The following TNKS variants were observed in gnomAD, a reference collection of about 807,000 sequenced individuals.
TNKS encodes tankyrase.
TNKS carries 72 observed loss-of-function variants against 135.8 expected under a neutral mutation model. The ratio of observed to expected loss-of-function variants is 0.53; its 90% confidence interval spans 0.44 to 0.64. The LOEUF (loss-of-function observed/expected upper bound fraction) is 0.64. TNKS is among the 30% of genes least tolerant of loss of function. The probability of loss-of-function intolerance (pLI) is 0.00; values close to 1 mark genes in which losing one functional copy is unlikely to be tolerated. For missense variants in TNKS, 1,769 were observed against 1,674.0 expected (o/e 1.06, Z -0.99); for synonymous variants, 849 against 649.3 (o/e 1.31, Z -4.68).
chr8:9,735,536 C>T (rs961362822), intron 17 of TNKS, 50 bp downstream of exon 17: 4 of 1,454,852 alleles, frequency 2.7e-6, no homozygotes, highest in Non-Finnish European at 3.9e-6. Flanking sequence ...CGCGGTGGCT[C>T]ACGCCTGTAA....
At chr8:9,687,781 A>C (rs1803076665) in intron 5 of TNKS, among the ~76,000 whole-genome samples, 1 of 152,218 alleles carries the variant, frequency 6.6e-6, no homozygotes, top group Non-Finnish European at 1.5e-5. Context: ...AAGGGACCGG[A>C]AGGGAGTTGG....
intron 5 of TNKS, 59 bp from the exon 6 acceptor site, chr8:9,704,604 G>A: frequency 7.1e-7 from 1 of 1,416,032 alleles, no homozygotes; most frequent in Non-Finnish European, 9.9e-7. Flanking sequence ...AAATGGCAAA[G>A]CAAGGATTTT....
chr8:9,562,279 C>T (rs186706413), intron 1 of TNKS, among the ~76,000 whole-genome samples: 13 of 152,082 alleles, frequency 8.5e-5, no homozygotes, highest in Admixed American at 3.3e-4. Flanking sequence ...TTCTCCCAGG[C>T]TATGAATTAC....
chr8:9,557,857 T>G (rs1373228427), intron 1 of TNKS: 1 of 152,166 alleles, frequency 6.6e-6, no homozygotes, highest in African/African-American at 2.4e-5. Flanking sequence ...CTTAAATAAG[T>G]CCAAATTCAG....
chr8:9,580,446 A>G lies in TNKS; in HGVS notation c.898+63A>G, dbSNP rs769983128. 6 of 1,448,952 alleles carry G rather than the reference A, an allele frequency of 4.1e-6. No individual in the cohort carries two copies. In the African/African-American group the frequency reaches 4.2e-5, roughly 10 times the overall value. The allele number at this position is 1,448,952 out of a possible 1,614,324, so 89.8% of individuals were successfully genotyped here. A position where few individuals can be genotyped will look rare whatever the true frequency, so the allele number is the denominator to read the frequency against. On this transcript the variant is annotated intron_variant, in intron 2 of 26. Coordinates refer to ENST00000310430, the MANE Select transcript of TNKS (RefSeq NM_003747.3). ...GGTTTATTCTTACTTTTTTTGTGGTACAAATAGTGTTTCCTGAGAATAGGT... is the reference window on the plus strand; with the variant it reads ...GGTTTATTCTTACTTTTTTTGTGGTGCAAATAGTGTTTCCTGAGAATAGGT...
In TNKS at chr8:9,726,663, T is replaced by C. The variant is rs138926774; in HGVS notation, c.1944T>C (p.Ser648=). ...ILSESTPIRT[S]DVDYRLLEAS... is the part of the protein sequence containing the mutation. ...CAGAGAGTACACCTATACGTACTTC[T>C]GATGTTGATTATCGACTCTTAGAGG... is the stretch of plus-strand genomic sequence containing the variant. The change falls in exon 13 of 27, where the codon TCT becomes TCC. Residue 648 remains serine, a synonymous_variant. Transcript: ENST00000310430. 2.5e-6 allele frequency: 4 copies of C among 1,613,376 alleles called. No homozygotes were observed. The highest frequency in any genetic ancestry group is 2.7e-5 in the African/African-American group (2 of 74,918).
intron 3 of TNKS, among the ~76,000 whole-genome samples, chr8:9,655,145 C>G (rs909417402): frequency 6.6e-6 from 1 of 152,222 alleles, no homozygotes; most frequent in African/African-American, 2.4e-5. Flanking sequence ...TCACTCATTG[C>G]TAGCCCAGCA....
chr8:9,779,999 T>G lies in TNKS; in HGVS notation c.*3263T>G, dbSNP rs1158003282. On this transcript the variant is annotated 3_prime_UTR_variant, in exon 27 of 27. Coordinates refer to ENST00000310430, the MANE Select transcript of TNKS (RefSeq NM_003747.3). ...TTCCCTTTGCTCTCAAAATACAAAGTGCATTGAAGTATACAGAGAAATGCC... is the reference window on the plus strand; with the variant it reads ...TTCCCTTTGCTCTCAAAATACAAAGGGCATTGAAGTATACAGAGAAATGCC... 2.0e-5 allele frequency: 3 copies of G among 152,238 alleles called. No homozygotes were observed. Among genetic ancestry groups the G allele is most frequent in the African/African-American group, 7.2e-5 (3 of 41,464 alleles). The allele number at this position is 152,238 out of a possible 1,614,324, so 9.4% of individuals were successfully genotyped here.
At chr8:9,691,207 A>G (rs1345939545) in intron 5 of TNKS, among the ~76,000 whole-genome samples, 9 of 152,232 alleles carry the variant, frequency 5.9e-5, no homozygotes, top group Non-Finnish European at 1.3e-4. Context: ...GATATCTAGA[A>G]AAATCCTGCA....
chr8:9,746,943 T>G (rs1413674549), intron 17 of TNKS, among the ~76,000 whole-genome samples: 1 of 145,342 alleles, frequency 6.9e-6, no homozygotes, highest in African/African-American at 2.6e-5. Context: ...GGTGCGGTGG[T>G]GCAATCTCAG....
intron 1 of TNKS, among the ~76,000 whole-genome samples, chr8:9,569,040 A>T (rs1312329983): frequency 6.6e-6 from 1 of 152,232 alleles, no homozygotes; most frequent in African/African-American, 2.4e-5. Flanking sequence ...AATAATAAGC[A>T]TAATTGTTAA....
chr8:9,661,918 G>T (rs1480790776), intron 3 of TNKS, among the ~76,000 whole-genome samples: 1 of 152,128 alleles, frequency 6.6e-6, no homozygotes, highest in Admixed American at 6.6e-5. Flanking sequence ...ATCACAAAGT[G>T]GGCAAAGGGT....
At chr8:9,561,776 C>T (rs1024996248) in intron 1 of TNKS, among the ~76,000 whole-genome samples, 4 of 152,166 alleles carry the variant, frequency 2.6e-5, no homozygotes, top group Non-Finnish European at 5.9e-5. Context: ...AAACTGCCAA[C>T]ACCTTTCCCC....
At chr8:9,675,815 C>CAGATAATA (rs1189274096) in intron 3 of TNKS, among the ~76,000 whole-genome samples, 2 of 152,022 alleles carry the variant, frequency 1.3e-5, no homozygotes, top group Non-Finnish European at 2.9e-5. Flanking sequence ...CTTAGTGAAA[C>CAGATAATA]CTAAGACAAT....
At chr8:9,710,461 A>G (rs914957594) in intron 11 of TNKS, 95 of 576,648 alleles carry the variant, frequency 1.6e-4, no homozygotes, top group Non-Finnish European at 1.0e-4. Context: ...ATATAGCTAT[A>G]GTCATTTGAA....
chr8:9,775,489 ATATATATATATATATG>A (rs1156419577), intron 26 of TNKS, among the ~76,000 whole-genome samples: 1 of 139,128 alleles, frequency 7.2e-6, no homozygotes, highest in Non-Finnish European at 1.6e-5. Flanking sequence ...ATATATATAT[ATATATATATATATATG>A]TAGACAGAAC....
intron 2 of TNKS, among the ~76,000 whole-genome samples, chr8:9,592,331 A>G (rs1053482086): frequency 2.0e-5 from 3 of 152,198 alleles, no homozygotes; most frequent in African/African-American, 7.2e-5. Context: ...AGACTCACAG[A>G]TGTTCTTTTA....
At chr8:9,657,700 G>C (rs1417372546) in intron 3 of TNKS, among the ~76,000 whole-genome samples, 6 of 95,354 alleles carry the variant, frequency 6.3e-5, no homozygotes, top group Admixed American at 1.9e-4. Context: ...CGGGCTGAGG[G>C]GCTCCTCACT....
intron 3 of TNKS, among the ~76,000 whole-genome samples, chr8:9,622,987 A>G (rs1407912943): frequency 6.6e-6 from 1 of 152,200 alleles, no homozygotes; most frequent in Admixed American, 6.5e-5. Flanking sequence ...TAAGAGATTA[A>G]CAACCATACC....
Sources: allele counts gnomAD v4.1 joint callset (sites outside exome capture counted in the v4.1 genomes callset), GRCh38; gene constraint gnomAD v4.1.1; transcripts MANE v1.5; gene names NCBI Gene and HGNC (gene_info 2026-07-23, HGNC 2026-07-21).